TMEM39A: variants seen among roughly 807,000 people sequenced by gnomAD.
TMEM39A encodes the protein transmembrane protein 39A, also known as suppressor of SQST-1 aggregates in rpl-43 mutants.
Under a neutral mutation model 51.9 loss-of-function variants are expected in TMEM39A, and 19 were observed. The observed-to-expected ratio is 0.37, with a 90% CI of 0.26 to 0.54. TMEM39A has a LOEUF of 0.54. TMEM39A is among the 20% of genes least tolerant of loss of function. TMEM39A has a pLI of 0.88. For missense variants in TMEM39A, 433 were observed against 590.5 expected (o/e 0.73, Z 2.76); for synonymous variants, 197 against 220.2 (o/e 0.89, Z 0.93).
At chr3:119,447,289 G>T in intron 4 of TMEM39A, 117 bp from the exon 5 acceptor site, 1 of 1,053,260 alleles carries the variant, frequency 9.5e-7, no homozygotes, top group Non-Finnish European at 1.3e-6. Context: ...TTTAAAAAGT[G>T]AAATAAAAGA....
chr3:119,463,585 C>G lies in TMEM39A; in HGVS notation c.-324G>C. On this transcript the variant is annotated 5_prime_UTR_variant, in exon 1 of 9. Coordinates refer to ENST00000319172, the MANE Select transcript of TMEM39A (RefSeq NM_018266.3). ...AGAGCCAGAGCCTGATACTTCAGCACCCATCCCTAGCCTCCATTACCGCGG... is the reference window on the plus strand; with the variant it reads ...AGAGCCAGAGCCTGATACTTCAGCAGCCATCCCTAGCCTCCATTACCGCGG... 2.5e-6 allele frequency: 1 copy of G among 398,806 alleles called. No individual in the cohort carries two copies. The highest frequency in any genetic ancestry group is 4.4e-6 in the Non-Finnish European group (1 of 226,174). The allele number at this position is 398,806 out of a possible 1,614,324, so 24.7% of individuals were successfully genotyped here.
rs112692333 is a variant in TMEM39A, at chr3:119,452,461, C to T, written c.406G>A (p.Ala136Thr). The change falls in exon 4 of 9, where the codon GCT (alanine) becomes ACT (threonine). Residue 136 changes from alanine (A) to threonine (T), a missense_variant. Physicochemically the swap from Ala to Thr is moderately conservative, Grantham distance 58 (BLOSUM62 0). Transcript: ENST00000319172. ...TGAACTGTTACCTCTGAGATGAGAG[C>T]CCATACAAGCCTCCTCGCAAGCATC... ...TVMLARRLVWALISEATKAGA... is the reference protein window; with the variant it reads ...TVMLARRLVWTLISEATKAGA... 263 of 1,613,212 alleles carry T rather than the reference C, an allele frequency of 1.6e-4. No homozygotes were observed. The African/African-American group carries it at 2.0e-3, about 12-fold the overall frequency.
At position 119,431,903 on chromosome 3, in the gene TMEM39A, T is replaced by C; in HGVS notation, c.*78A>G. 2.1e-6 allele frequency: 2 copies of C among 972,372 alleles called. No homozygotes were observed. Among genetic ancestry groups the C allele is most frequent in the Non-Finnish European group, 2.9e-6 (2 of 679,998 alleles). 60.2% of individuals were successfully genotyped at this position (972,372 alleles called of 1,614,324 possible). On this transcript the variant is annotated 3_prime_UTR_variant, in exon 9 of 9. Transcript: ENST00000319172. ...TACAAAATATAAAATATCTTAAATA[T>C]TTATAAAAATCACAAGAAAAAAATA...
In TMEM39A at chr3:119,432,073, A is replaced by G; in HGVS notation, c.1375T>C (p.Tyr459His). Reference sequence around the variant, plus strand: ...CGGAGAAGTTTAAATAAAACATAGTAGTTGCAGAAGAGGATGAGAGCCATG... The same window carrying G: ...CGGAGAAGTTTAAATAAAACATAGTGGTTGCAGAAGAGGATGAGAGCCATG... The part of the protein sequence containing the change: ...LSMALILFCN[Y>H]YVLFKLLRDR... The change falls in exon 9 of 9, where the codon TAC (tyrosine) becomes CAC (histidine). Residue 459 changes from tyrosine (Y) to histidine (H), a missense_variant. Physicochemically the swap from Tyr to His is moderately conservative, Grantham distance 83. Transcript: ENST00000319172. 1 of 1,613,306 alleles carries G rather than the reference A, an allele frequency of 6.2e-7. No homozygotes were observed. Among genetic ancestry groups the G allele is most frequent in the Non-Finnish European group, 8.5e-7 (1 of 1,179,476 alleles).
chr3:119,457,568 G>A (rs2081282576), intron 3 of TMEM39A, among the ~76,000 whole-genome samples: 1 of 152,204 alleles, frequency 6.6e-6, no homozygotes, highest in East Asian at 1.9e-4. Flanking sequence ...CATGTTGGAA[G>A]ACAGTAGAAT....
At chr3:119,451,288 T>C in intron 4 of TMEM39A, 1 of 1,288,624 alleles carries the variant, frequency 7.8e-7, no homozygotes, top group Non-Finnish European at 1.0e-6. Flanking sequence ...GAAATAGGGT[T>C]CCTGAAAATC....
chr3:119,462,154 C>A lies in TMEM39A; in HGVS notation c.-74-6G>T. On this transcript the variant is annotated splice_polypyrimidine_tract_variant and splice_region_variant and intron_variant, in intron 1 of 8. Coordinates refer to ENST00000319172, the MANE Select transcript of TMEM39A (RefSeq NM_018266.3). The stretch of plus-strand genomic sequence containing the variant: ...GTTGTCAACCAGTTTCAACTCTGAA[C>A]GACAACAAAAACATTTAAACATCAG... 2 of 1,056,888 alleles carry A rather than the reference C, an allele frequency of 1.9e-6. No homozygotes were observed. The allele number at this position is 1,056,888 out of a possible 1,614,324, so 65.5% of individuals were successfully genotyped here.
At chr3:119,446,750 G>C (rs1373132646) in intron 5 of TMEM39A, 2 of 335,124 alleles carry the variant, frequency 6.0e-6, no homozygotes, top group Non-Finnish European at 1.1e-5. Flanking sequence ...CCTTTACTTG[G>C]TGAAGAGAGA....
chr3:119,437,900 G>A lies in TMEM39A; in HGVS notation c.779C>T (p.Thr260Ile), dbSNP rs867544350. The A allele has an allele frequency of 1.2e-6, 2 of 1,613,802 alleles. No homozygotes were observed. Among genetic ancestry groups the A allele is most frequent in the Non-Finnish European group, 1.7e-6 (2 of 1,179,730 alleles). Residue 260 changes from threonine (T) to isoleucine (I), a missense_variant, in exon 6 of 9, where the codon ACC (threonine) becomes ATC (isoleucine). Physicochemically the swap from Thr to Ile is moderately conservative, Grantham distance 89. Coordinates refer to ENST00000319172, the MANE Select transcript of TMEM39A (RefSeq NM_018266.3). ...EQFNNATPIP[T>I]HSCPLSPDLI... The stretch of plus-strand genomic sequence containing the variant: ...GTCTGGAGATAGGGGACAACTGTGG[G>A]TGGGGATGGGTGTGGCATTATTAAA...
At chr3:119,437,003 AATG>A in intron 6 of TMEM39A, 25 bp from the exon 7 acceptor site, 3 of 1,598,284 alleles carry the variant, frequency 1.9e-6, no homozygotes, top group Non-Finnish European at 2.6e-6. Flanking sequence ...AAGAGAGAGA[AATG>A]ATCCATGCAC....
chr3:119,439,269 A>G (rs1377902698), intron 5 of TMEM39A, among the ~76,000 whole-genome samples: 1 of 152,210 alleles, frequency 6.6e-6, no homozygotes, highest in Non-Finnish European at 1.5e-5. Context: ...AAATTCAGAT[A>G]TGAAAAATAG....
At chr3:119,436,688 A>G in intron 7 of TMEM39A, 103 bp downstream of exon 7, 1 of 1,294,276 alleles carries the variant, frequency 7.7e-7, no homozygotes, top group South Asian at 1.4e-5. Flanking sequence ...AAAACTAAAA[A>G]TTAAATGTTC....
chr3:119,458,321 C>T, intron 2 of TMEM39A, 81 bp from the exon 3 acceptor site: 1 of 1,165,272 alleles, frequency 8.6e-7, no homozygotes, highest in South Asian at 1.3e-5. Flanking sequence ...CTGTCTCCTC[C>T]ATCTACCCCT....
At position 119,436,839 on chromosome 3, in the gene TMEM39A, T is replaced by C; in HGVS notation, c.1064A>G (p.Lys355Arg). The change falls in exon 7 of 9, where the codon AAG (lysine) becomes AGG (arginine). Residue 355 changes from lysine to arginine, a missense_variant. Physicochemically the swap from Lys to Arg is conservative, Grantham distance 26. This residue lies in a region of TMEM39A where 223 missense variants were observed against 328.1 expected (regional missense o/e 0.68). Coordinates refer to ENST00000319172, the MANE Select transcript of TMEM39A (RefSeq NM_018266.3). The stretch of plus-strand genomic sequence containing the variant: ...GGACCCATGTTCCAACTTCTGCCAC[T>C]TGCCCAGGTGAGCAGCTGATTTATG... ...LLHKSAAHLG[K>R]WQKLEHGSYS... 1 of 1,614,078 alleles carries C rather than the reference T, an allele frequency of 6.2e-7. No individual in the cohort carries two copies. Among genetic ancestry groups the C allele is most frequent in the Non-Finnish European group, 8.5e-7 (1 of 1,179,950 alleles).
Position 119,431,873 on chromosome 3 carries a change from T to C in TMEM39A, c.*108A>G. 4 of 743,020 alleles carry C rather than the reference T, an allele frequency of 5.4e-6. No individual in the cohort carries two copies. In the South Asian group the frequency reaches 1.1e-4, roughly 20 times the overall value. The allele number at this position is 743,020 out of a possible 1,614,324, so 46.0% of individuals were successfully genotyped here. On this transcript the variant is annotated 3_prime_UTR_variant, in exon 9 of 9. Transcript: ENST00000319172. ...ACTCTTCCCGACTTTCAAAACATAA[T>C]AGTATACAAAATATAAAATATCTTA...
In TMEM39A at chr3:119,434,768, G is replaced by T. The variant is rs374661613; in HGVS notation, c.1227C>A (p.Arg409=). Reference sequence around the variant, plus strand: ...ATAAATAAGCGGTACTTGCATAAAAGCGGGCATGAGATACATCTGAAGGCA... The same window carrying T: ...ATAAATAAGCGGTACTTGCATAAAATCGGGCATGAGATACATCTGAAGGCA... ...VAVPSDVSHA[R]FYFLFHRPLR... Residue 409 remains arginine (R), a synonymous_variant, in exon 8 of 9, where the codon CGC becomes CGA. Transcript: ENST00000319172. The T allele has an allele frequency of 9.5e-5, 154 of 1,613,416 alleles. No individual in the cohort carries two copies. Among genetic ancestry groups the T allele is most frequent in the Non-Finnish European group, 1.3e-4 (152 of 1,179,612 alleles).
intron 4 of TMEM39A, chr3:119,451,444 T>C (rs2081197389): frequency 1.9e-6 from 1 of 514,898 alleles, no homozygotes; most frequent in South Asian, 1.8e-5. Context: ...TTCAGCTAAA[T>C]TAACATTTTT....
At chr3:119,441,207 G>T (rs549076953) in intron 5 of TMEM39A, among the ~76,000 whole-genome samples, 20 of 152,244 alleles carry the variant, frequency 1.3e-4, no homozygotes, top group African/African-American at 4.6e-4. Flanking sequence ...CAAGTGAAAG[G>T]ACATCACACA....
chr3:119,434,459 T>A (rs1414798284), intron 8 of TMEM39A, among the ~76,000 whole-genome samples: 1 of 151,972 alleles, frequency 6.6e-6, no homozygotes, highest in Non-Finnish European at 1.5e-5. Flanking sequence ...ACAAAAATGG[T>A]AAGATGAAAA....
Sources: gnomAD v4.1 joint callset for allele counts (sites outside exome capture counted in the v4.1 genomes callset) on GRCh38, gnomAD v4.1.1 for gene constraint, gnomAD v4.1.1 regional missense constraint, MANE v1.5 for transcripts, NCBI Gene and HGNC (gene_info 2026-07-23, HGNC 2026-07-21) for gene names.